The following VSNL1 variants were observed in gnomAD, a reference collection of about 807,000 sequenced individuals.
The protein encoded by VSNL1 is visinin like 1, also known as visinin-like protein 1.
VSNL1 carries 6 observed loss-of-function variants against 20.4 expected under a neutral mutation model. The ratio of observed to expected loss-of-function variants is 0.29; its 90% confidence interval spans 0.16 to 0.58. The LOEUF (loss-of-function observed/expected upper bound fraction) is 0.58, where lower values mean the gene tolerates loss of function less well. Among genes scored for constraint, VSNL1 ranks in the 20% least tolerant of loss-of-function variants. VSNL1 has a pLI of 0.90. For missense variants in VSNL1, 100 were observed against 234.5 expected (o/e 0.43, Z 3.75); for synonymous variants, 93 against 86.4 (o/e 1.08, Z -0.42).
chr2:17,556,330 C>T (rs576892788), intron 1 of VSNL1, among the ~76,000 whole-genome samples: 6 of 152,266 alleles, frequency 3.9e-5, no homozygotes, highest in African/African-American at 7.2e-5. Context: ...TTGGTAGAAT[C>T]TAATAAAAGG....
intron 1 of VSNL1, among the ~76,000 whole-genome samples, chr2:17,551,706 A>AT (rs1663540187): frequency 6.6e-6 from 1 of 152,172 alleles, no homozygotes; most frequent in African/African-American, 2.4e-5. Flanking sequence ...GAAAGCTGAC[A>AT]TTCTTCCAAA....
At chr2:17,623,796 C>T (rs1271014517) in intron 2 of VSNL1, among the ~76,000 whole-genome samples, 2 of 151,460 alleles carry the variant, frequency 1.3e-5, no homozygotes, top group Admixed American at 6.6e-5. Context: ...GAGAGTGGAA[C>T]ATAAATTCAG....
intron 2 of VSNL1, among the ~76,000 whole-genome samples, chr2:17,620,169 C>G (rs1665323348): frequency 6.6e-6 from 1 of 152,196 alleles, no homozygotes; most frequent in African/African-American, 2.4e-5. Context: ...GTTCATTTTG[C>G]TCATGCCTAA....
At chr2:17,578,147 G>A (rs1472287539) in intron 1 of VSNL1, among the ~76,000 whole-genome samples, 1 of 152,180 alleles carries the variant, frequency 6.6e-6, no homozygotes, top group African/African-American at 2.4e-5. Context: ...ACAATTTAAT[G>A]TTGAATGAAC....
At chr2:17,568,275 G>T (rs1359260494) in intron 1 of VSNL1, among the ~76,000 whole-genome samples, 1 of 151,874 alleles carries the variant, frequency 6.6e-6, no homozygotes. Context: ...TTGTTTGTTT[G>T]TTTGTTTGTT....
Position 17,580,979 on chromosome 2 carries a change from T to C in VSNL1, c.-5-11091T>C, listed in dbSNP as rs184396011. Among the ~76,000 whole-genome samples, 207 of 152,338 alleles carry C rather than the reference T, an allele frequency of 1.4e-3. 1 individual carries two copies. The highest frequency in any genetic ancestry group is 2.1e-3 in the Non-Finnish European group (144 of 68,032). ...GTTATAATCACTGTTAAGATTTTGA[T>C]ATAAATTATGAACTGACCAAACTTC... is the stretch of plus-strand genomic sequence containing the variant. On this transcript the variant is annotated intron_variant, in intron 1 of 3. Coordinates refer to ENST00000295156, the MANE Select transcript of VSNL1 (RefSeq NM_003385.5).
intron 2 of VSNL1, among the ~76,000 whole-genome samples, chr2:17,592,793 A>G (rs1222009285): frequency 1.3e-5 from 2 of 151,872 alleles, no homozygotes; most frequent in Admixed American, 6.6e-5. Flanking sequence ...TACAACATAG[A>G]CAATAACTCA....
chr2:17,561,686 G>A (rs1663818733), intron 1 of VSNL1, among the ~76,000 whole-genome samples: 2 of 152,182 alleles, frequency 1.3e-5, no homozygotes, highest in African/African-American at 4.8e-5. Flanking sequence ...GACAGATGAT[G>A]TTCCTTTTGA....
At chr2:17,571,825 T>C (rs1454383423) in intron 1 of VSNL1, among the ~76,000 whole-genome samples, 1 of 152,090 alleles carries the variant, frequency 6.6e-6, no homozygotes, top group Non-Finnish European at 1.5e-5. Flanking sequence ...GAGAGACTAG[T>C]TGAAATAGGC....
At chr2:17,553,010 C>T (rs897099832) in intron 1 of VSNL1, among the ~76,000 whole-genome samples, 42 of 151,846 alleles carry the variant, frequency 2.8e-4, no homozygotes, top group African/African-American at 9.4e-4. Context: ...CAGTCTCTCG[C>T]ATATACAAGA....
chr2:17,581,729 A>C (rs944691831), intron 1 of VSNL1, among the ~76,000 whole-genome samples: 9 of 152,166 alleles, frequency 5.9e-5, no homozygotes, highest in African/African-American at 2.2e-4. Flanking sequence ...CCCTAACAGC[A>C]CTTAGTACAG....
At chr2:17,631,085 TG>T (rs1665618538) in intron 2 of VSNL1, among the ~76,000 whole-genome samples, 1 of 152,144 alleles carries the variant, frequency 6.6e-6, no homozygotes, top group Non-Finnish European at 1.5e-5. Flanking sequence ...CAGCCCAAAA[TG>T]GCATTTTAAA....
At chr2:17,544,148 C>G (rs912182015) in intron 1 of VSNL1, among the ~76,000 whole-genome samples, 7 of 152,170 alleles carry the variant, frequency 4.6e-5, no homozygotes, top group Non-Finnish European at 7.4e-5. Context: ...GAGTAGGTAA[C>G]TACTCTTGGA....
intron 2 of VSNL1, among the ~76,000 whole-genome samples, chr2:17,628,712 C>A (rs533023925): frequency 2.0e-5 from 3 of 152,224 alleles, no homozygotes; most frequent in Non-Finnish European, 4.4e-5. Context: ...GGAGGTCTTA[C>A]TCTGTACATG....
chr2:17,636,937 TA>T (rs763589202), intron 2 of VSNL1, among the ~76,000 whole-genome samples: 2 of 152,184 alleles, frequency 1.3e-5, no homozygotes, highest in Non-Finnish European at 2.9e-5. Flanking sequence ...CAAGTACCCT[TA>T]AGCTGTTTTG....
intron 2 of VSNL1, among the ~76,000 whole-genome samples, chr2:17,621,394 C>T (rs954619262): frequency 6.6e-6 from 1 of 152,188 alleles, no homozygotes; most frequent in South Asian, 2.1e-4. Context: ...ACAATCTCAT[C>T]TCACTGCAAC....
At chr2:17,573,618 C>T (rs1172104203) in intron 1 of VSNL1, among the ~76,000 whole-genome samples, 3 of 152,280 alleles carry the variant, frequency 2.0e-5, no homozygotes, top group Non-Finnish European at 2.9e-5. Flanking sequence ...AAACTCATGA[C>T]GCTTTGCTGA....
chr2:17,587,040 C>T (rs1167732428), intron 1 of VSNL1, among the ~76,000 whole-genome samples: 1 of 152,180 alleles, frequency 6.6e-6, no homozygotes, highest in Non-Finnish European at 1.5e-5. Flanking sequence ...TCCATACTTG[C>T]ATTACATGCA....
intron 3 of VSNL1, among the ~76,000 whole-genome samples, chr2:17,652,800 T>C (rs1046379450): frequency 2.0e-5 from 3 of 152,186 alleles, no homozygotes; most frequent in African/African-American, 7.2e-5. Context: ...TCTGAGGCTT[T>C]CTTTCTGCCT....
Sources: allele counts gnomAD v4.1 joint callset (sites outside exome capture counted in the v4.1 genomes callset), GRCh38; gene constraint gnomAD v4.1.1; transcripts MANE v1.5; gene names NCBI Gene and HGNC (gene_info 2026-07-23, HGNC 2026-07-21).